Variants in NEK11 observed in about 807,000 individuals in gnomAD.
The protein encoded by NEK11 is serine/threonine-protein kinase Nek11.
NEK11 carries 72 observed loss-of-function variants against 80.7 expected under a neutral mutation model. The ratio of observed to expected loss-of-function variants is 0.89; its 90% CI spans 0.74 to 1.08. The LOEUF (loss-of-function observed/expected upper bound fraction) is 1.08. NEK11 is among the 50% of genes least tolerant of loss of function. NEK11 has a pLI of 0.00. For missense variants in NEK11, 764 were observed against 763.6 expected (o/e 1.00, Z -0.01); for synonymous variants, 251 against 260.7 (o/e 0.96, Z 0.36).
chr3:131,277,649 G>C (rs1008482644), intron 17 of NEK11, among the ~76,000 whole-genome samples: 1 of 152,212 alleles, frequency 6.6e-6, no homozygotes, highest in African/African-American at 2.4e-5. Flanking sequence ...GGGCCCTGGG[G>C]CTTTGTAAGT....
At chr3:131,344,608 TG>T (rs1047077228) in intron 17 of NEK11, among the ~76,000 whole-genome samples, 2 of 152,162 alleles carry the variant, frequency 1.3e-5, no homozygotes, top group African/African-American at 2.4e-5. Flanking sequence ...TATCTGAGAC[TG>T]GGTAATTTAT....
intron 7 of NEK11, among the ~76,000 whole-genome samples, chr3:131,137,094 A>G (rs1028903761): frequency 1.3e-5 from 2 of 152,188 alleles, no homozygotes; most frequent in South Asian, 2.1e-4. Flanking sequence ...GGCAACATCT[A>G]GAGTGTACTG....
chr3:131,272,829 T>C (rs976498753), intron 16 of NEK11, among the ~76,000 whole-genome samples: 2 of 152,174 alleles, frequency 1.3e-5, no homozygotes, highest in East Asian at 1.9e-4. Context: ...GGAATATTTC[T>C]TTCCCTCAGT....
At chr3:131,291,170 A>G (rs1391458998) in intron 17 of NEK11, among the ~76,000 whole-genome samples, 1 of 152,136 alleles carries the variant, frequency 6.6e-6, no homozygotes, top group Non-Finnish European at 1.5e-5. Flanking sequence ...AATGTCATAT[A>G]GTTGTAATGA....
intron 3 of NEK11, among the ~76,000 whole-genome samples, chr3:131,050,226 A>T (rs1289276403): frequency 6.6e-6 from 1 of 152,242 alleles, no homozygotes; most frequent in Non-Finnish European, 1.5e-5. Context: ...AGGTGGAATC[A>T]TTTTGCCACT....
rs140080504 is a variant in NEK11, at chr3:131,104,553, C to T, written c.337-5250C>T. ...AGCTCCATCCCAGAGGAAAGAAGAG[C>T]GATGACCAGCTGGAATGTTCAGATT... On this transcript the variant is annotated intron_variant, in intron 4 of 17. Coordinates refer to ENST00000383366, the MANE Select transcript of NEK11 (RefSeq NM_024800.5). Among the ~76,000 whole-genome samples the T allele has an allele frequency of 2.3e-3, 352 of 152,166 alleles. 1 individual carries two copies. The highest frequency in any genetic ancestry group is 8.0e-3 in the African/African-American group (331 of 41,508).
chr3:131,291,434 G>C (rs2096542688), intron 17 of NEK11, among the ~76,000 whole-genome samples: 1 of 152,022 alleles, frequency 6.6e-6, no homozygotes, highest in Non-Finnish European at 1.5e-5. Flanking sequence ...ACTCCTCTAG[G>C]TAAATACCAA....
At chr3:131,111,047 T>C (rs921053801) in intron 5 of NEK11, among the ~76,000 whole-genome samples, 1 of 152,184 alleles carries the variant, frequency 6.6e-6, no homozygotes, top group Non-Finnish European at 1.5e-5. Context: ...TTTCTTTTAT[T>C]TCTTTATTTC....
intron 4 of NEK11, among the ~76,000 whole-genome samples, chr3:131,081,665 T>A (rs1208251105): frequency 1.3e-5 from 2 of 152,152 alleles, no homozygotes; most frequent in Non-Finnish European, 2.9e-5. Flanking sequence ...TTGGGAGAAT[T>A]TGGTACTGTT....
intron 7 of NEK11, among the ~76,000 whole-genome samples, chr3:131,137,025 T>A (rs2085732513): frequency 6.6e-6 from 1 of 152,220 alleles, no homozygotes; most frequent in African/African-American, 2.4e-5. Context: ...GGCTCTTTGA[T>A]CTTGTAGCCC....
chr3:131,101,757 T>A (rs182989032), intron 4 of NEK11, among the ~76,000 whole-genome samples: 1 of 152,240 alleles, frequency 6.6e-6, no homozygotes, highest in African/African-American at 2.4e-5. Context: ...GGTGAAGTGT[T>A]AAGTCCATAG....
chr3:131,193,880 C>T (rs773573765), intron 14 of NEK11, among the ~76,000 whole-genome samples: 6 of 152,146 alleles, frequency 3.9e-5, no homozygotes, highest in Non-Finnish European at 8.8e-5. Context: ...TCACTAGGCA[C>T]AGCAGTTTTT....
chr3:131,272,723 A>G (rs1024797230), intron 16 of NEK11, among the ~76,000 whole-genome samples: 11 of 151,592 alleles, frequency 7.3e-5, no homozygotes, highest in African/African-American at 2.4e-4. Context: ...TGATCCGCCC[A>G]CCTCAGCCTT....
At chr3:131,184,278 A>G (rs987716924) in intron 14 of NEK11, among the ~76,000 whole-genome samples, 2 of 152,210 alleles carry the variant, frequency 1.3e-5, no homozygotes, top group African/African-American at 4.8e-5. Flanking sequence ...TGTGGATTAC[A>G]ATCAGTAGCA....
chr3:131,297,180 A>G (rs1171060610), intron 17 of NEK11, among the ~76,000 whole-genome samples: 2 of 151,894 alleles, frequency 1.3e-5, no homozygotes, highest in African/African-American at 4.8e-5. Flanking sequence ...TATACCCAGT[A>G]ATGGGATGGC....
At chr3:131,119,715 C>T (rs1409458831) in intron 5 of NEK11, among the ~76,000 whole-genome samples, 2 of 152,086 alleles carry the variant, frequency 1.3e-5, no homozygotes, top group Non-Finnish European at 2.9e-5. Flanking sequence ...ATCCATTTAC[C>T]GTTATGTAAT....
Position 131,168,810 on chromosome 3 carries a change from C to CT in NEK11, c.1177-17dup, listed in dbSNP as rs778259712. On this transcript the variant is annotated intron_variant, in intron 12 of 17. Transcript: ENST00000383366. ...ACTTGGAAAACCACTGCTGAACAGA[C>CT]TTTGTCATAATCTCTTTAGGAAAAA... 6.3e-6 allele frequency: 10 copies of CT among 1,587,316 alleles called. No homozygotes were observed. The South Asian group carries it at 1.1e-4, about 18-fold the overall frequency.
chr3:131,034,996 A>T (rs184394940), intron 3 of NEK11, among the ~76,000 whole-genome samples: 2 of 152,250 alleles, frequency 1.3e-5, no homozygotes, highest in East Asian at 3.9e-4. Flanking sequence ...CTTAACTGTG[A>T]TCGTACACCT....
intron 3 of NEK11, among the ~76,000 whole-genome samples, chr3:131,071,113 A>T (rs752310623): frequency 2.6e-5 from 4 of 152,100 alleles, no homozygotes; most frequent in African/African-American, 4.8e-5. Context: ...TCAGAGCAAA[A>T]CCTTTTTTTT....
Sources: allele counts gnomAD v4.1 joint callset (sites outside exome capture counted in the v4.1 genomes callset), GRCh38; gene constraint gnomAD v4.1.1; transcripts MANE v1.5; gene names NCBI Gene and HGNC (gene_info 2026-07-23, HGNC 2026-07-21).